The following UBE2L3 variants were observed in gnomAD, a reference collection of about 807,000 sequenced individuals.
UBE2L3 encodes the protein ubiquitin conjugating enzyme E2 L3.
Under a neutral mutation model 17.8 loss-of-function variants are expected in UBE2L3, and 1 was observed. That is an observed-to-expected ratio of 0.06 (90% CI 0.02 to 0.27). The LOEUF (loss-of-function observed/expected upper bound fraction) is 0.27. UBE2L3 is among the 10% of genes least tolerant of loss of function. The pLI, the probability that UBE2L3 is intolerant of heterozygous loss-of-function variation, is 1.00. For missense variants in UBE2L3, 40 were observed against 192.6 expected (o/e 0.21, Z 4.69); for synonymous variants, 44 against 68.5 (o/e 0.64, Z 1.76).
intron 3 of UBE2L3, among the ~76,000 whole-genome samples, chr22:21,615,038 C>T (rs1225722833): frequency 6.6e-6 from 1 of 151,836 alleles, no homozygotes; most frequent in Non-Finnish European, 1.5e-5. Flanking sequence ...GCCTGTAATC[C>T]CAGCTACATG....
chr22:21,588,200 C>T (rs906334693), intron 1 of UBE2L3, among the ~76,000 whole-genome samples: 1 of 152,194 alleles, frequency 6.6e-6, no homozygotes, highest in Non-Finnish European at 1.5e-5. Context: ...TAACTCTGTT[C>T]TAGAGCTGGG....
intron 3 of UBE2L3, among the ~76,000 whole-genome samples, chr22:21,616,093 A>G (rs1929757227): frequency 6.6e-6 from 1 of 152,256 alleles, no homozygotes. Flanking sequence ...AAACAAAGTT[A>G]TATATTAATC....
intron 1 of UBE2L3, among the ~76,000 whole-genome samples, chr22:21,586,591 G>A (rs1568976886): frequency 6.9e-6 from 1 of 144,650 alleles, no homozygotes; most frequent in African/African-American, 2.6e-5. Context: ...TTTTTTAAAC[G>A]GAGTCTTGCT....
At chr22:21,558,832 T>C (rs1230291785) in intron 1 of UBE2L3, among the ~76,000 whole-genome samples, 60 of 152,204 alleles carry the variant, frequency 3.9e-4, no homozygotes, top group Admixed American at 1.2e-3. Flanking sequence ...CTGTCTGTTC[T>C]TTGCTGTCTC....
chr22:21,552,331 C>A (rs1241119464), intron 1 of UBE2L3, among the ~76,000 whole-genome samples: 1 of 141,346 alleles, frequency 7.1e-6, no homozygotes, highest in Non-Finnish European at 1.5e-5. Flanking sequence ...GCTGGGATTA[C>A]AGGCTTGAGC....
At chr22:21,611,904 G>A (rs769530785) in intron 3 of UBE2L3, among the ~76,000 whole-genome samples, 3 of 152,104 alleles carry the variant, frequency 2.0e-5, no homozygotes, top group Non-Finnish European at 2.9e-5. Context: ...TTCTTTTAGG[G>A]GTGCTGCTCT....
rs530591957 is a variant in UBE2L3, at chr22:21,602,865, T to G, written c.124-7992T>G. On this transcript the variant is annotated intron_variant, in intron 2 of 3. Transcript: ENST00000342192. ...ATGAGGATGGGCCCAGATGGATACC[T>G]GCAGATGTGGGGGGTTGTGTTCCGG... Among the ~76,000 whole-genome samples the G allele has an allele frequency of 1.0e-3, 157 of 152,326 alleles. 1 individual carries two copies. Among genetic ancestry groups the G allele is most frequent in the Middle Eastern group, 3.4e-3 (1 of 294 alleles).
chr22:21,613,495 C>G (rs1383582563), intron 3 of UBE2L3, among the ~76,000 whole-genome samples: 1 of 152,118 alleles, frequency 6.6e-6, no homozygotes, highest in African/African-American at 2.4e-5. Flanking sequence ...GTTGAGGATT[C>G]CTTCCTAGAA....
intron 2 of UBE2L3, among the ~76,000 whole-genome samples, chr22:21,595,964 C>T (rs112630005): frequency 9.9e-5 from 15 of 152,246 alleles, no homozygotes; most frequent in African/African-American, 3.4e-4. Context: ...CTCCCGGGTT[C>T]AAGCGATTCT....
intron 3 of UBE2L3, among the ~76,000 whole-genome samples, chr22:21,615,771 A>AG (rs1368365713): frequency 1.5e-4 from 23 of 152,310 alleles, no homozygotes; most frequent in African/African-American, 5.3e-4. Flanking sequence ...AAAAATTTGA[A>AG]GTACCCCATG....
intron 2 of UBE2L3, among the ~76,000 whole-genome samples, chr22:21,600,297 G>A (rs1005581509): frequency 1.8e-4 from 28 of 151,878 alleles, no homozygotes; most frequent in African/African-American, 6.8e-4. Flanking sequence ...TGGGCAACAA[G>A]AGCAAAACTC....
rs147653948 is a variant in UBE2L3, at chr22:21,593,430, C to T, written c.123+474C>T. Among the ~76,000 whole-genome samples the T allele has an allele frequency of 9.7e-3, 1,470 of 152,236 alleles. 29 individuals carry two copies. The highest frequency in any genetic ancestry group is 0.034 in the African/African-American group (1,402 of 41,520). On this transcript the variant is annotated intron_variant, in intron 2 of 3. Coordinates refer to ENST00000342192, the MANE Select transcript of UBE2L3 (RefSeq NM_003347.4). ...TGTGCCTTCCATTTGTCTCAAGTCC[C>T]TTTTCCTAATTGCCCACATGTTCCC...
intron 2 of UBE2L3, among the ~76,000 whole-genome samples, chr22:21,600,793 A>G (rs564872247): frequency 2.0e-5 from 3 of 152,236 alleles, no homozygotes; most frequent in Non-Finnish European, 4.4e-5. Context: ...TTCAGAAACC[A>G]ATATTAGAAC....
chr22:21,560,045 C>T (rs1463606056), intron 1 of UBE2L3, among the ~76,000 whole-genome samples: 1 of 152,382 alleles, frequency 6.6e-6, no homozygotes, highest in East Asian at 1.9e-4. Context: ...GGCTTCCTGC[C>T]CTGGTGGCCC....
chr22:21,568,067 G>A (rs1926736957), intron 1 of UBE2L3: 2 of 1,256,826 alleles, frequency 1.6e-6, no homozygotes, highest in Non-Finnish European at 2.0e-6. Context: ...GGAGGCCGCG[G>A]TCCGATCTGA....
upstream of UBE2L3, chr22:21,567,415 G>T (rs901738217): frequency 3.0e-5 from 9 of 300,370 alleles, no homozygotes; most frequent in African/African-American, 1.8e-4. Context: ...CACCCGCCTC[G>T]GTCTCCCAAA....
chr22:21,575,553 C>T (rs576659462), intron 1 of UBE2L3, among the ~76,000 whole-genome samples: 12 of 142,924 alleles, frequency 8.4e-5, no homozygotes, highest in South Asian at 2.4e-4. Context: ...GGTGCCACTG[C>T]GCTCCAGCCT....
chr22:21,555,236 G>C (rs1201161608), intron 1 of UBE2L3: 2 of 151,218 alleles, frequency 1.3e-5, no homozygotes, highest in East Asian at 3.9e-4. Flanking sequence ...TACTGATGGG[G>C]TGTCTGCACT....
intron 2 of UBE2L3, among the ~76,000 whole-genome samples, 158 bp downstream of exon 2, chr22:21,593,114 A>G (rs997317211): frequency 1.3e-5 from 2 of 152,140 alleles, no homozygotes; most frequent in African/African-American, 2.4e-5. Context: ...TAGGGAGTGT[A>G]GCCTTGGGTC....
Sources: allele counts gnomAD v4.1 joint callset (sites outside exome capture counted in the v4.1 genomes callset), GRCh38; gene constraint gnomAD v4.1.1; transcripts MANE v1.5; gene names NCBI Gene and HGNC (gene_info 2026-07-23, HGNC 2026-07-21).